FMNL1: variants seen among roughly 807,000 people sequenced by gnomAD.
FMNL1 encodes the protein formin like 1.
A neutral mutation model predicts 121.3 loss-of-function variants in FMNL1; 43 were observed. The ratio of observed to expected loss-of-function variants is 0.35; its 90% CI spans 0.28 to 0.46. FMNL1 has a LOEUF of 0.46. Among genes scored for constraint, FMNL1 ranks in the 20% least tolerant of loss-of-function variants. The pLI, the probability that FMNL1 is intolerant of heterozygous loss-of-function variation, is 1.00. For missense variants in FMNL1, 1,191 were observed against 1,482.4 expected, an observed-to-expected ratio of 0.80 and a Z score of 3.23; for synonymous variants, 613 against 613.5, an observed-to-expected ratio of 1.00 and a Z score of 0.01.
intron 1 of FMNL1, among the ~76,000 whole-genome samples, chr17:45,225,367 G>A (rs924070184): frequency 1.3e-5 from 2 of 152,218 alleles, no homozygotes; most frequent in African/African-American, 2.4e-5. Context: ...TCCCACCTCC[G>A]GGACAGGGCA....
intron 18 of FMNL1, 33 bp from the exon 19 acceptor site, chr17:45,244,143 C>T: frequency 6.2e-7 from 1 of 1,611,472 alleles, no homozygotes; most frequent in Non-Finnish European, 8.5e-7. Context: ...GAGGAGGCTC[C>T]AACTTATCTT....
Position 45,241,443 on chromosome 17 carries a change from C to A in FMNL1, c.1394C>A (p.Ala465Glu). The A allele has an allele frequency of 6.4e-7, 1 of 1,563,830 alleles. No homozygotes were observed. The highest frequency in any genetic ancestry group is 2.4e-5 in the East Asian group (1 of 42,092). ...AGGCGTCCCCCAGAGCCTGAGAAAG[C>A]GCCTCCCGCTGCCCCGACGCGGCCC... is the stretch of plus-strand genomic sequence containing the variant. ...PSRRPPEPEK[A>E]PPAAPTRPSA... Residue 465 changes from alanine (A) to glutamate (E), a missense_variant, in exon 14 of 27, where the codon GCG (alanine) becomes GAG (glutamate). Transcript: ENST00000331495. The surrounding 1 kb of genome is among the most constrained non-coding windows in gnomAD (Gnocchi z 7.0).
Position 45,241,387 on chromosome 17 carries a change from C to T in FMNL1, c.1338C>T (p.Arg446=). The change falls in exon 14 of 27, where the codon CGC becomes CGT. Residue 446 remains arginine (R), a synonymous_variant. Transcript: ENST00000331495. The surrounding 1 kb of genome is among the most constrained non-coding windows in gnomAD (Gnocchi z 7.0). ...CCCTCCCGTGGGGTTCGTAGGAGCG[C>T]TTCAGCGAATCGACCGCCATGGGGC... ...ARKELETLRE[R]FSESTAMGPS... 6.4e-7 allele frequency: 1 copy of T among 1,571,136 alleles called. No individual in the cohort carries two copies. Among genetic ancestry groups the T allele is most frequent in the Non-Finnish European group, 8.6e-7 (1 of 1,158,830 alleles).
At chr17:45,245,209 CCT>C (rs745502233) in intron 21 of FMNL1, 42 bp from the exon 22 acceptor site, 13 of 1,613,056 alleles carry the variant, frequency 8.1e-6, no homozygotes, top group Non-Finnish European at 1.1e-5. Flanking sequence ...GGGAGGGCTG[CCT>C]CTCCGATTCA....
Position 45,221,918 on chromosome 17 carries a change from G to T in FMNL1, c.-207G>T, listed in dbSNP as rs891837799. On this transcript the variant is annotated 5_prime_UTR_variant, in exon 1 of 27. Transcript: ENST00000331495. ...CCCCCAACCCTGCAGCTCGCCGCCC[G>T]GTCCCACGGACGGGGCCGCCCCGAT... 5.9e-6 allele frequency: 2 copies of T among 338,282 alleles called. No homozygotes were observed. The allele number at this position is 338,282 out of a possible 1,614,324, so 21.0% of individuals were successfully genotyped here. A position where few individuals can be genotyped will look rare whatever the true frequency, so the allele number is the denominator to read the frequency against.
chr17:45,244,329 A>G (rs2143619848), intron 19 of FMNL1, 85 bp downstream of exon 19: 2 of 1,434,790 alleles, frequency 1.4e-6, no homozygotes, highest in Non-Finnish European at 1.9e-6. Flanking sequence ...CTGCAATGCA[A>G]CAAAGATAAC....
intron 1 of FMNL1, among the ~76,000 whole-genome samples, chr17:45,230,385 C>T (rs1316596763): frequency 1.3e-5 from 2 of 152,166 alleles, no homozygotes; most frequent in South Asian, 2.1e-4. Flanking sequence ...GGATTCAAAT[C>T]CTGCTCTCCC....
In FMNL1 at chr17:45,245,264, A is replaced by G. The variant is rs1044059525; in HGVS notation, c.2740A>G (p.Ser914Gly). The change falls in exon 22 of 27, where the codon AGT becomes GGT. Residue 914 changes from serine (S) to glycine (G), a missense_variant. Physicochemically the swap from Ser to Gly is moderately conservative, Grantham distance 56 (BLOSUM62 0). Transcript: ENST00000331495. ...LDKAGSVSLDSVLADVRSLQR... is the reference protein window; with the variant it reads ...LDKAGSVSLDGVLADVRSLQR... ...CATCCCTGGCCCAGTGTCCCTGGACAGTGTCCTGGCGGACGTGCGCTCCCT... is the reference window on the plus strand; with the variant it reads ...CATCCCTGGCCCAGTGTCCCTGGACGGTGTCCTGGCGGACGTGCGCTCCCT... 16 of 1,614,080 alleles carry G rather than the reference A, an allele frequency of 9.9e-6. No individual in the cohort carries two copies. Among genetic ancestry groups the G allele is most frequent in the African/African-American group, 1.3e-5 (1 of 74,934 alleles).
At chr17:45,240,356 AAGT>A (rs1567967189) in intron 11 of FMNL1, 117 bp from the exon 12 acceptor site, 5 of 1,045,620 alleles carry the variant, frequency 4.8e-6, no homozygotes, top group Middle Eastern at 3.3e-4. Flanking sequence ...AATAAAGAAA[AAGT>A]AGGCTAGGGC....
Position 45,243,810 on chromosome 17 carries a change from G to A in FMNL1, c.2233G>A (p.Gly745Ser), listed in dbSNP as rs751908102. The A allele has an allele frequency of 6.2e-7, 1 of 1,612,312 alleles. No individual in the cohort carries two copies. Among genetic ancestry groups the A allele is most frequent in the South Asian group, 1.1e-5 (1 of 91,056 alleles). ...AIEAYDLQAL[G>S]LDFLELLMRF... ...TCACAGGTACGACCTGCAGGCTCTGGGCCTGGACTTCCTGGAGCTGCTGAT... is the reference window on the plus strand; with the variant it reads ...TCACAGGTACGACCTGCAGGCTCTGAGCCTGGACTTCCTGGAGCTGCTGAT... Residue 745 changes from glycine to serine, a missense_variant, in exon 18 of 27, where the codon GGC becomes AGC. Physicochemically the swap from Gly to Ser is moderately conservative, Grantham distance 56 (BLOSUM62 0). Coordinates refer to ENST00000331495, the MANE Select transcript of FMNL1 (RefSeq NM_005892.4).
Position 45,241,925 on chromosome 17 carries a change from A to T in FMNL1, c.1664A>T (p.Gln555Leu), listed in dbSNP as rs1222043449. ...CCACTGCCCGGCCTCCCCTCCCCGC[A>T]GGAAGCCCCGCCCTCTGCGCCCCCA... ...PPPLPGLPSP[Q>L]EAPPSAPPQA... Residue 555 changes from glutamine to leucine, a missense_variant, in exon 15 of 27, where the codon CAG becomes CTG. Coordinates refer to ENST00000331495, the MANE Select transcript of FMNL1 (RefSeq NM_005892.4). This position sits in a 1 kb window ranked among gnomAD's most constrained non-coding sequence, Gnocchi z 7.0. 6.0e-6 allele frequency: 8 copies of T among 1,333,622 alleles called. No homozygotes were observed. The highest frequency in any genetic ancestry group is 7.6e-6 in the Non-Finnish European group (8 of 1,051,374). 82.6% of individuals were successfully genotyped at this position (1,333,622 alleles called of 1,614,324 possible).
chr17:45,244,062 G>A (rs774933509), intron 18 of FMNL1, 37 bp downstream of exon 18: 2 of 1,599,362 alleles, frequency 1.3e-6, no homozygotes, highest in Admixed American at 3.4e-5. Context: ...TGACTTGGGA[G>A]GGGATGGGCA....
chr17:45,236,400 T>C (rs2043550695), intron 7 of FMNL1, 156 bp downstream of exon 7: 1 of 610,688 alleles, frequency 1.6e-6, no homozygotes, highest in Non-Finnish European at 2.9e-6. Flanking sequence ...CTTTTAAGGC[T>C]GATGAGTCTT....
In FMNL1 at chr17:45,243,854, G is replaced by A. The variant is rs150940823; in HGVS notation, c.2277G>A (p.Glu759=). The change falls in exon 18 of 27, where the codon GAG becomes GAA. Residue 759 remains glutamate, a synonymous_variant. Transcript: ENST00000331495. ...TGCTGATGCGCTTCCTGCCCACAGA[G>A]TATGAGCGCAGCCTCATCACCCGCT... The part of the protein sequence containing the change: ...LELLMRFLPT[E]YERSLITRFE... The A allele has an allele frequency of 1.1e-5, 17 of 1,613,898 alleles. No homozygotes were observed. The highest frequency in any genetic ancestry group is 1.4e-5 in the Non-Finnish European group (16 of 1,180,018).
chr17:45,241,468 C>G lies in FMNL1; in HGVS notation c.1419C>G (p.Pro473=). Residue 473 remains proline, a synonymous_variant, in exon 14 of 27, where the codon CCC becomes CCG. Transcript: ENST00000331495. This position sits in a 1 kb window ranked among gnomAD's most constrained non-coding sequence, Gnocchi z 7.0. ...CGCCTCCCGCTGCCCCGACGCGGCC[C>G]TCGGCCCTGGAGCTGAAGGTGGAGG... ...EKAPPAAPTR[P]SALELKVEEL... 2 of 1,572,066 alleles carry G rather than the reference C, an allele frequency of 1.3e-6. No homozygotes were observed. The highest frequency in any genetic ancestry group is 1.2e-5 in the South Asian group (1 of 86,206).
rs2143685723 is a variant in FMNL1 at position 45,247,085 on chromosome 17, C to T, written c.*227C>T. 1 of 612,808 alleles carries T rather than the reference C, an allele frequency of 1.6e-6. No homozygotes were observed. The highest frequency in any genetic ancestry group is 3.0e-6 in the Non-Finnish European group (1 of 336,998). 38.0% of individuals were successfully genotyped at this position (612,808 alleles called of 1,614,324 possible). ...GCAGCCCCTCCTCCGCTGTGGCCCG[C>T]CTCAAACGGGCTGGTGCATCCTCCT... On this transcript the variant is annotated 3_prime_UTR_variant, in exon 27 of 27. Transcript: ENST00000331495.
Position 45,241,260 on chromosome 17 carries a change from G to A in FMNL1, c.1332+30G>A, listed in dbSNP as rs1291613247. On this transcript the variant is annotated intron_variant, in intron 13 of 26. Coordinates refer to ENST00000331495, the MANE Select transcript of FMNL1 (RefSeq NM_005892.4). The surrounding 1 kb of genome is among the most constrained non-coding windows in gnomAD (Gnocchi z 7.0). Reference sequence around the variant, plus strand: ...GGCTGGGGCGGGTGGTAGGCCAGGCGCCCAAGAACAGGCCAGCTGAGGCTT... The same window carrying A: ...GGCTGGGGCGGGTGGTAGGCCAGGCACCCAAGAACAGGCCAGCTGAGGCTT... The A allele has an allele frequency of 6.2e-7, 1 of 1,613,654 alleles. No individual in the cohort carries two copies. Among genetic ancestry groups the A allele is most frequent in the Non-Finnish European group, 8.5e-7 (1 of 1,179,860 alleles).
chr17:45,241,972 A>G lies in FMNL1; in HGVS notation c.1711A>G (p.Ser571Gly). 1 of 1,300,480 alleles carries G rather than the reference A, an allele frequency of 7.7e-7. No individual in the cohort carries two copies. Among genetic ancestry groups the G allele is most frequent in the Non-Finnish European group, 9.7e-7 (1 of 1,029,920 alleles). The allele number at this position is 1,300,480 out of a possible 1,614,324, so 80.6% of individuals were successfully genotyped here. A position where few individuals can be genotyped will look rare whatever the true frequency, so the allele number is the denominator to read the frequency against. The change falls in exon 15 of 27, where the codon AGC (serine) becomes GGC (glycine). Residue 571 changes from serine to glycine, a missense_variant. Around this residue, in one of 4 missense-constraint regions of FMNL1, gnomAD observed 519 missense variants for 492.8 expected, o/e 1.05. Transcript: ENST00000331495. The surrounding 1 kb of genome is among the most constrained non-coding windows in gnomAD (Gnocchi z 7.0). The stretch of plus-strand genomic sequence containing the variant: ...CCCACAGGCCCCGCCTCTCCCTGGC[A>G]GCCCGGAGCCCCCGCCTGCGCCGCC... Reference protein sequence around the residue: ...APPQAPPLPGSPEPPPAPPLP... With the variant: ...APPQAPPLPGGPEPPPAPPLP...
intron 9 of FMNL1, chr17:45,238,271 A>C: frequency 3.0e-6 from 1 of 336,150 alleles, no homozygotes; most frequent in Non-Finnish European, 5.6e-6. Flanking sequence ...GATTTCAGCA[A>C]AGCTGTGAAG....
Sources: allele counts gnomAD v4.1 joint callset (sites outside exome capture counted in the v4.1 genomes callset), GRCh38; gene constraint gnomAD v4.1.1; regional missense constraint gnomAD v4.1.1; non-coding constraint Gnocchi (gnomAD v3.1); transcripts MANE v1.5; gene names NCBI Gene and HGNC (gene_info 2026-07-23, HGNC 2026-07-21).